Variants in ZFHX3 observed in about 807,000 individuals in gnomAD.
ZFHX3 encodes the protein zinc finger homeobox 3.
Under a neutral mutation model 279.1 loss-of-function variants are expected in ZFHX3, and 42 were observed. That is an observed-to-expected ratio of 0.15 (90% CI 0.12 to 0.19). The LOEUF is 0.19. Ranked by LOEUF, ZFHX3 falls within the 10% of genes least tolerant of loss-of-function variation. The pLI is 1.00. For synonymous variants in ZFHX3, 2,293 were observed against 1,957.8 expected, an observed-to-expected ratio of 1.17 and a Z score of -4.52; for missense variants, 4,981 against 4,754.0, an observed-to-expected ratio of 1.05 and a Z score of -1.40.
intron 4 of ZFHX3, among the ~76,000 whole-genome samples, chr16:72,832,923 A>G (rs2037099900): frequency 6.6e-6 from 1 of 152,258 alleles, no homozygotes; most frequent in South Asian, 2.1e-4. Context: ...ATCAACAGCA[A>G]GAGGAAAAAT....
intron 8 of ZFHX3, among the ~76,000 whole-genome samples, chr16:73,076,201 C>A (rs188236022): frequency 3.9e-5 from 6 of 152,274 alleles, no homozygotes; most frequent in African/African-American, 1.4e-4. Flanking sequence ...TAACAATATT[C>A]TGATATTTCT....
intron 2 of ZFHX3, among the ~76,000 whole-genome samples, chr16:73,623,390 C>T (rs2052386007): frequency 6.6e-6 from 1 of 152,016 alleles, no homozygotes; most frequent in Non-Finnish European, 1.5e-5. Flanking sequence ...TAATTCAAAA[C>T]TGTGAATCTT....
intron 1 of ZFHX3, among the ~76,000 whole-genome samples, chr16:73,038,337 G>A (rs374856042): frequency 1.1e-3 from 165 of 152,260 alleles, no homozygotes; most frequent in Middle Eastern, 3.4e-3. Context: ...TTCAGAATCC[G>A]CTTCTCAGCT....
At chr16:73,178,747 C>T (rs1190296620) in intron 5 of ZFHX3, among the ~76,000 whole-genome samples, 1 of 152,080 alleles carries the variant, frequency 6.6e-6, no homozygotes, top group African/African-American at 2.4e-5. Flanking sequence ...CTTAACCTTC[C>T]AAATAGCTGG....
At chr16:73,049,441 G>C (rs1402254116), upstream of ZFHX3, among the ~76,000 whole-genome samples, 2 of 152,226 alleles carry the variant, frequency 1.3e-5, no homozygotes, top group African/African-American at 4.8e-5. Flanking sequence ...GAGAAAAAGG[G>C]ATGCTTAGCT....
intron 3 of ZFHX3, among the ~76,000 whole-genome samples, chr16:73,414,878 A>G (rs13334017): frequency 0.018 from 2,669 of 152,320 alleles, 83 homozygotes; most frequent in African/African-American, 0.061. Context: ...CCAAACCAGT[A>G]CATTCCTCTA....
In ZFHX3 at chr16:72,784,863, C is replaced by T. The variant is rs1431538417; in HGVS notation, c.*2301G>A. ...AATATGTACAACATTTCAGGATCTA[C>T]TATTTCATTAAACTAAAAACAAATT... On this transcript the variant is annotated 3_prime_UTR_variant, in exon 10 of 10. Transcript: ENST00000268489. 1 of 152,336 alleles carries T rather than the reference C, an allele frequency of 6.6e-6. No homozygotes were observed. Among genetic ancestry groups the T allele is most frequent in the Non-Finnish European group, 1.5e-5 (1 of 68,016 alleles). 9.4% of individuals were successfully genotyped at this position (152,336 alleles called of 1,614,324 possible). A position where few individuals can be genotyped will look rare whatever the true frequency, so the allele number is the denominator to read the frequency against.
intron 7 of ZFHX3, among the ~76,000 whole-genome samples, chr16:73,104,925 C>T (rs1747428167): frequency 6.6e-6 from 1 of 152,080 alleles, no homozygotes; most frequent in South Asian, 2.1e-4. Context: ...ACTGTGAGAT[C>T]CCTAAAGGCA....
intron 3 of ZFHX3, among the ~76,000 whole-genome samples, chr16:72,913,868 C>T (rs2039378585): frequency 6.6e-6 from 1 of 152,148 alleles, no homozygotes; most frequent in Non-Finnish European, 1.5e-5. Flanking sequence ...GAAGCAATGC[C>T]AAGAGATTCA....
At chr16:73,445,172 A>C (rs1375546494) in intron 3 of ZFHX3, among the ~76,000 whole-genome samples, 1 of 151,988 alleles carries the variant, frequency 6.6e-6, no homozygotes, top group African/African-American at 2.4e-5. Context: ...CAATGAATAT[A>C]GATGTATATA....
At position 73,376,158 on chromosome 16, in the gene ZFHX3, C is replaced by T. The variant is rs368335813; in HGVS notation, c.-1290-57822G>A. 4.6e-5 allele frequency among the ~76,000 whole-genome samples: 7 copies of T among 152,292 alleles called. No individual in the cohort carries two copies. The South Asian group carries it at 1.5e-3, about 32-fold the overall frequency. ...CTCTTTTGGTTTCTTTTTAACAATA[C>T]AGACAGCTGCCTTTTTATGTTAGAT... On this transcript the variant is annotated intron_variant, in intron 3 of 17. Coordinates refer to the ZFHX3 transcript ENST00000641206.
chr16:73,667,265 C>G (rs2052852877), intron 2 of ZFHX3, among the ~76,000 whole-genome samples: 1 of 152,218 alleles, frequency 6.6e-6, no homozygotes, highest in African/African-American at 2.4e-5. Flanking sequence ...GCTGTGATTA[C>G]AGGCGTGAGC....
At chr16:73,673,362 T>C (rs1476183067) in intron 2 of ZFHX3, among the ~76,000 whole-genome samples, 3 of 152,194 alleles carry the variant, frequency 2.0e-5, no homozygotes, top group Non-Finnish European at 4.4e-5. Context: ...GTTTCATATG[T>C]ATGAAATATT....
At chr16:73,265,499 T>G (rs949254552) in intron 4 of ZFHX3, among the ~76,000 whole-genome samples, 1 of 152,210 alleles carries the variant, frequency 6.6e-6, no homozygotes, top group Admixed American at 6.5e-5. Flanking sequence ...TTGTGAATGC[T>G]AATTTTCTAC....
rs886095055 is a variant in ZFHX3 at position 73,156,413 on chromosome 16, A to G, written c.-1103-12582T>C. On this transcript the variant is annotated intron_variant, in intron 5 of 17. Transcript: ENST00000641206. Reference sequence around the variant, plus strand: ...ATGATCATTACAGACAATGGGGTAGATTGCAAAGCAGACTGAAATGGATCT... The same window carrying G: ...ATGATCATTACAGACAATGGGGTAGGTTGCAAAGCAGACTGAAATGGATCT... 2.6e-5 allele frequency among the ~76,000 whole-genome samples: 4 copies of G among 152,248 alleles called. No homozygotes were observed. The Middle Eastern group carries it at 0.01, about 388-fold the overall frequency.
At chr16:73,538,326 T>C (rs933074250) in intron 2 of ZFHX3, among the ~76,000 whole-genome samples, 3 of 152,130 alleles carry the variant, frequency 2.0e-5, no homozygotes, top group African/African-American at 7.2e-5. Flanking sequence ...CCAAAGGCTA[T>C]TGAAATAAAA....
intron 1 of ZFHX3, among the ~76,000 whole-genome samples, chr16:73,747,219 A>G (rs2053712558): frequency 6.6e-6 from 1 of 152,074 alleles, no homozygotes; most frequent in Non-Finnish European, 1.5e-5. Flanking sequence ...GGTCTCTATT[A>G]AAAATATAAT....
intron 3 of ZFHX3, among the ~76,000 whole-genome samples, chr16:73,322,830 T>G (rs11859275): frequency 0.019 from 2,876 of 152,320 alleles, 99 homozygotes; most frequent in African/African-American, 0.065. Context: ...TTCAAGGAGT[T>G]TATAATTTAG....
intron 8 of ZFHX3, among the ~76,000 whole-genome samples, chr16:73,068,898 G>T (rs572337834): frequency 6.6e-6 from 1 of 152,340 alleles, no homozygotes; most frequent in East Asian, 1.9e-4. Flanking sequence ...TGCCTGCTTT[G>T]CCAATATTGA....
Sources: allele counts gnomAD v4.1 joint callset (sites outside exome capture counted in the v4.1 genomes callset), GRCh38; gene constraint gnomAD v4.1.1; transcripts MANE v1.5; gene names NCBI Gene and HGNC (gene_info 2026-07-23, HGNC 2026-07-21).